Variants in ADAMTSL1 observed in about 807,000 individuals in gnomAD.
ADAMTSL1 encodes the protein ADAMTS like 1, also known as ADAMTS-like protein 1.
A neutral mutation model predicts 201.8 loss-of-function variants in ADAMTSL1; 126 were observed. The observed-to-expected ratio is 0.62, with a 90% CI of 0.54 to 0.72. The LOEUF (loss-of-function observed/expected upper bound fraction) is 0.72. Among genes scored for constraint, ADAMTSL1 ranks in the 30% least tolerant of loss-of-function variants. ADAMTSL1 has a pLI of 0.00. For missense variants in ADAMTSL1, 2,679 were observed against 2,277.8 expected, an observed-to-expected ratio of 1.18 and a Z score of -3.59; for synonymous variants, 1,121 against 903.4, an observed-to-expected ratio of 1.24 and a Z score of -4.32.
At chr9:18,192,605 C>T (rs984503516) in intron 2 of ADAMTSL1, among the ~76,000 whole-genome samples, 1 of 152,076 alleles carries the variant, frequency 6.6e-6, no homozygotes, top group African/African-American at 2.4e-5. Flanking sequence ...GGTACTGAAC[C>T]ATGATTTTTG....
intron 23 of ADAMTSL1, among the ~76,000 whole-genome samples, chr9:18,843,495 A>C (rs1359804126): frequency 6.6e-6 from 1 of 150,678 alleles, no homozygotes; most frequent in Non-Finnish European, 1.5e-5. Context: ...ACTTTGGTGA[A>C]TCTGACAATT....
At chr9:18,201,441 C>A (rs1829440918) in intron 2 of ADAMTSL1, among the ~76,000 whole-genome samples, 1 of 151,932 alleles carries the variant, frequency 6.6e-6, no homozygotes, top group East Asian at 1.9e-4. Flanking sequence ...CTGATATTTT[C>A]TCACTAATAA....
At chr9:18,202,439 C>G (rs1829488750) in intron 2 of ADAMTSL1, among the ~76,000 whole-genome samples, 1 of 152,196 alleles carries the variant, frequency 6.6e-6, no homozygotes, top group Non-Finnish European at 1.5e-5. Flanking sequence ...GGTACATAGT[C>G]CTACAAATGA....
intron 2 of ADAMTSL1, among the ~76,000 whole-genome samples, chr9:18,187,908 A>C (rs1014474009): frequency 2.0e-5 from 3 of 152,188 alleles, no homozygotes; most frequent in Non-Finnish European, 4.4e-5. Flanking sequence ...GTTTCAAAAA[A>C]TTTATTTAAA....
intron 2 of ADAMTSL1, among the ~76,000 whole-genome samples, chr9:18,439,512 G>A (rs550603583): frequency 6.6e-6 from 1 of 152,110 alleles, no homozygotes; most frequent in East Asian, 1.9e-4. Flanking sequence ...GATTACAGGT[G>A]CGCGCCACCA....
At chr9:18,462,660 C>T (rs918482708) in intron 2 of ADAMTSL1, among the ~76,000 whole-genome samples, 1 of 151,828 alleles carries the variant, frequency 6.6e-6, no homozygotes, top group South Asian at 2.1e-4. Flanking sequence ...AAAAAGGGGC[C>T]GGGCATGGTG....
chr9:18,295,699 T>C (rs1340898566), intron 2 of ADAMTSL1, among the ~76,000 whole-genome samples: 1 of 152,184 alleles, frequency 6.6e-6, no homozygotes, highest in Non-Finnish European at 1.5e-5. Context: ...TTGAATTTCA[T>C]CCTGCCCAGG....
At chr9:18,136,830 G>A (rs984118691) in intron 1 of ADAMTSL1, among the ~76,000 whole-genome samples, 2 of 152,066 alleles carry the variant, frequency 1.3e-5, no homozygotes, top group African/African-American at 2.4e-5. Context: ...GCATATTTAA[G>A]CAAGGCAGTA....
In ADAMTSL1 at chr9:18,906,928, A is replaced by G. The variant is rs753655676; in HGVS notation, c.5182+16A>G. The G allele has an allele frequency of 8.0e-5, 129 of 1,613,516 alleles. No homozygotes were observed. The highest frequency in any genetic ancestry group is 1.1e-4 in the Non-Finnish European group (127 of 1,179,702). On this transcript the variant is annotated intron_variant, in intron 28 of 28. Transcript: ENST00000380548. ...TGTGAAAACAGTATGTTCCAACCCC[A>G]AAGAACCTTCTGCAAATTCCCCATA...
At chr9:18,353,664 G>A (rs1255982253) in intron 2 of ADAMTSL1, among the ~76,000 whole-genome samples, 2 of 152,080 alleles carry the variant, frequency 1.3e-5, no homozygotes, top group South Asian at 2.1e-4. Flanking sequence ...TACTATTAAG[G>A]TTGCCCATAA....
intron 1 of ADAMTSL1, among the ~76,000 whole-genome samples, chr9:18,030,110 C>A (rs767361397): frequency 2.0e-5 from 3 of 152,132 alleles, no homozygotes; most frequent in Admixed American, 6.5e-5. Flanking sequence ...ATGTTTATTG[C>A]GGCATTTTTC....
chr9:18,467,653 T>C (rs1301693072), intron 2 of ADAMTSL1, among the ~76,000 whole-genome samples: 1 of 152,164 alleles, frequency 6.6e-6, no homozygotes, highest in East Asian at 1.9e-4. Context: ...GAGTCAAAAA[T>C]ATAAATTTTA....
chr9:18,795,075 C>A (rs1822319976), intron 19 of ADAMTSL1, among the ~76,000 whole-genome samples: 1 of 152,146 alleles, frequency 6.6e-6, no homozygotes, highest in South Asian at 2.1e-4. Flanking sequence ...TTCTAGCATC[C>A]CCCCTTCCCC....
intron 4 of ADAMTSL1, among the ~76,000 whole-genome samples, chr9:18,605,159 G>A (rs902232652): frequency 7.2e-5 from 11 of 152,050 alleles, no homozygotes; most frequent in Non-Finnish European, 1.3e-4. Flanking sequence ...CATGAAAATA[G>A]TGAGATGCCT....
chr9:18,176,625 T>C (rs920686631), intron 2 of ADAMTSL1, among the ~76,000 whole-genome samples: 1 of 152,154 alleles, frequency 6.6e-6, no homozygotes, highest in African/African-American at 2.4e-5. Flanking sequence ...GTTGTTAAAA[T>C]GATGCAATTT....
chr9:18,112,586 T>C (rs1185799917), intron 1 of ADAMTSL1, among the ~76,000 whole-genome samples: 2 of 152,090 alleles, frequency 1.3e-5, no homozygotes, highest in East Asian at 3.9e-4. Flanking sequence ...GTCTCACTGT[T>C]TCCTTTTGGG....
intron 23 of ADAMTSL1, among the ~76,000 whole-genome samples, chr9:18,845,993 T>C (rs571488798): frequency 1.4e-4 from 22 of 152,352 alleles, no homozygotes; most frequent in Non-Finnish European, 3.1e-4. Flanking sequence ...GTCTCAAAGA[T>C]AGTTCCATTT....
chr9:18,774,187 G>GC (rs1820850275), intron 17 of ADAMTSL1, among the ~76,000 whole-genome samples: 1 of 152,002 alleles, frequency 6.6e-6, no homozygotes, highest in Admixed American at 6.5e-5. Flanking sequence ...TCCATCTCCT[G>GC]CTTGCATCCC....
intron 1 of ADAMTSL1, among the ~76,000 whole-genome samples, chr9:17,944,247 C>T (rs1827361648): frequency 6.6e-6 from 1 of 152,078 alleles, no homozygotes; most frequent in Non-Finnish European, 1.5e-5. Context: ...CCTAGGAATC[C>T]AACATACAAG....
Sources: gnomAD v4.1 joint callset for allele counts (sites outside exome capture counted in the v4.1 genomes callset) on GRCh38, gnomAD v4.1.1 for gene constraint, MANE v1.5 for transcripts, NCBI Gene and HGNC (gene_info 2026-07-23, HGNC 2026-07-21) for gene names.